The following EPC2 variants were observed in gnomAD, a reference collection of about 807,000 sequenced individuals.
EPC2 encodes enhancer of polycomb 2, also known as enhancer of polycomb homolog 2.
Under a neutral mutation model 92.1 loss-of-function variants are expected in EPC2, and 14 were observed. The ratio of observed to expected loss-of-function variants is 0.15; its 90% CI spans 0.10 to 0.24. The LOEUF (loss-of-function observed/expected upper bound fraction) is 0.24. Among genes scored for constraint, EPC2 ranks in the 10% least tolerant of loss-of-function variants. The probability of loss-of-function intolerance (pLI) is 1.00; values close to 1 mark genes in which losing one functional copy is unlikely to be tolerated. For missense variants in EPC2, 755 were observed against 971.5 expected (o/e 0.78, Z 2.96); for synonymous variants, 340 against 334.7 (o/e 1.02, Z -0.17).
intron 2 of EPC2, among the ~76,000 whole-genome samples, chr2:148,723,419 A>G (rs926199905): frequency 2.6e-5 from 4 of 152,126 alleles, no homozygotes; most frequent in Admixed American, 1.3e-4. Context: ...AATTGGCCAT[A>G]CTGAGTCAAT....
At chr2:148,750,740 A>G (rs1018889561) in intron 3 of EPC2, among the ~76,000 whole-genome samples, 1 of 152,160 alleles carries the variant, frequency 6.6e-6, no homozygotes, top group African/African-American at 2.4e-5. Flanking sequence ...ATTCTTGAAG[A>G]GTATAAGGTA....
chr2:148,759,673 C>G (rs1683263721), intron 4 of EPC2, among the ~76,000 whole-genome samples: 1 of 151,552 alleles, frequency 6.6e-6, no homozygotes, highest in Non-Finnish European at 1.5e-5. Context: ...TGAAATTTTT[C>G]AAAAATAGTA....
chr2:148,686,278 T>A (rs978843078), intron 1 of EPC2, among the ~76,000 whole-genome samples: 2 of 152,210 alleles, frequency 1.3e-5, no homozygotes, highest in African/African-American at 4.8e-5. Context: ...AAGAAACAAC[T>A]CCTCATCTGT....
intron 2 of EPC2, among the ~76,000 whole-genome samples, chr2:148,709,718 C>A (rs1682092091): frequency 6.6e-6 from 1 of 152,132 alleles, no homozygotes; most frequent in Non-Finnish European, 1.5e-5. Context: ...TGATCTTTGA[C>A]AAACCTGACA....
intron 1 of EPC2, among the ~76,000 whole-genome samples, chr2:148,686,895 A>G (rs533987999): frequency 7.7e-4 from 117 of 152,340 alleles, no homozygotes; most frequent in African/African-American, 2.6e-3. Context: ...GTAAATGAGC[A>G]TTGACTACAA....
At chr2:148,691,698 A>G in intron 2 of EPC2, 2 of 1,319,442 alleles carry the variant, frequency 1.5e-6, no homozygotes, top group South Asian at 2.5e-5. Flanking sequence ...TTTGGACCAC[A>G]GTATTAGCTT....
chr2:148,717,023 G>C (rs1038090633), intron 2 of EPC2, among the ~76,000 whole-genome samples: 16 of 152,098 alleles, frequency 1.1e-4, no homozygotes, highest in Non-Finnish European at 1.9e-4. Context: ...TAGTTTATGT[G>C]CATAAAGGTG....
At chr2:148,752,247 T>TC (rs1173303892) in intron 3 of EPC2, among the ~76,000 whole-genome samples, 1 of 151,942 alleles carries the variant, frequency 6.6e-6, no homozygotes, top group African/African-American at 2.4e-5. Flanking sequence ...AGTGAAATGA[T>TC]CAAGAAGCTG....
At chr2:148,762,527 C>T in intron 5 of EPC2, 143 bp from the exon 6 acceptor site, 3 of 618,140 alleles carry the variant, frequency 4.9e-6, no homozygotes, top group Non-Finnish European at 7.7e-6. Flanking sequence ...TTTCTTTATT[C>T]CTGCAAATTT....
intron 3 of EPC2, among the ~76,000 whole-genome samples, chr2:148,744,681 A>G (rs937441969): frequency 1.3e-5 from 2 of 152,078 alleles, no homozygotes; most frequent in African/African-American, 2.4e-5. Context: ...CTATTTTTCT[A>G]TGTTTTCCAA....
intron 1 of EPC2, among the ~76,000 whole-genome samples, chr2:148,662,560 C>G (rs1054240178): frequency 3.9e-5 from 6 of 151,952 alleles, no homozygotes; most frequent in Admixed American, 3.9e-4. Context: ...AGCAAACTAT[C>G]GCAAGGACAA....
In EPC2 at chr2:148,732,381, CT is replaced by C. The variant is rs752780229; in HGVS notation, c.314-11224del. Among the ~76,000 whole-genome samples, 1,260 of 132,892 alleles carry C rather than the reference CT, an allele frequency of 9.5e-3. 7 individuals carry two copies. Among genetic ancestry groups the C allele is most frequent in the African/African-American group, 0.025 (917 of 36,116 alleles). The allele number at this position is 132,892 out of a possible 152,430, so 87.2% of individuals were successfully genotyped here. A position where few individuals can be genotyped will look rare whatever the true frequency, so the allele number is the denominator to read the frequency against. ...AGTGATTCCATTCTGTTATTTTTGT[CT>C]TTTTTTTTTTTTTTTTGAGATGTAG... On this transcript the variant is annotated intron_variant, in intron 2 of 13. Transcript: ENST00000258484.
In EPC2 at chr2:148,758,648, G is replaced by A. The variant is rs531464882; in HGVS notation, c.667-3134G>A. On this transcript the variant is annotated intron_variant, in intron 4 of 13. Transcript: ENST00000258484. Reference sequence around the variant, plus strand: ...TGACCTCAAGTGATCTGCCCGCCTCGGCCTTCCAAAGTGCTGGGATTGCAG... The same window carrying A: ...TGACCTCAAGTGATCTGCCCGCCTCAGCCTTCCAAAGTGCTGGGATTGCAG... Among the ~76,000 whole-genome samples the A allele has an allele frequency of 3.3e-5, 5 of 152,154 alleles. No individual in the cohort carries two copies. The South Asian group carries it at 6.2e-4, about 19-fold the overall frequency.
Position 148,762,765 on chromosome 2 carries a change from A to G in EPC2, c.911A>G (p.Asn304Ser), listed in dbSNP as rs1194156486. The G allele has an allele frequency of 6.2e-7, 1 of 1,609,566 alleles. No homozygotes were observed. The highest frequency in any genetic ancestry group is 8.5e-7 in the Non-Finnish European group (1 of 1,178,600). The change falls in exon 6 of 14, where the codon AAT (asparagine) becomes AGT (serine). Residue 304 changes from asparagine (N) to serine (S), a missense_variant. By Grantham distance (46) the Asn-to-Ser change is conservative (BLOSUM62 1). Coordinates refer to ENST00000258484, the MANE Select transcript of EPC2 (RefSeq NM_015630.4). Reference protein sequence around the residue: ...ELYATPATLHNGNHHKVQECK... With the variant: ...ELYATPATLHSGNHHKVQECK... ...TATGCCACTCCAGCAACTCTTCATA[A>G]TGGAAATCATCACAAAGTTCAAGAA...
At chr2:148,662,583 C>T (rs890456226) in intron 1 of EPC2, among the ~76,000 whole-genome samples, 52 of 151,964 alleles carry the variant, frequency 3.4e-4, no homozygotes, top group Middle Eastern at 3.4e-3. Context: ...AACCAAACAC[C>T]GCGTGTTGTC....
chr2:148,777,285 A>C (rs1683665827), intron 10 of EPC2, among the ~76,000 whole-genome samples: 1 of 152,188 alleles, frequency 6.6e-6, no homozygotes, highest in South Asian at 2.1e-4. Flanking sequence ...CTTTACTACC[A>C]AATTAGGTAT....
intron 1 of EPC2, chr2:148,645,409 C>T (rs531297967): frequency 1.4e-5 from 6 of 443,630 alleles, no homozygotes; most frequent in South Asian, 5.5e-5. Context: ...CTTACGCTGC[C>T]GTAAGGGGGC....
At chr2:148,730,387 G>C (rs1574609351) in intron 2 of EPC2, among the ~76,000 whole-genome samples, 1 of 152,216 alleles carries the variant, frequency 6.6e-6, no homozygotes, top group Non-Finnish European at 1.5e-5. Flanking sequence ...AAGGTTTACA[G>C]ATTTTTAAAG....
intron 2 of EPC2, among the ~76,000 whole-genome samples, chr2:148,730,380 G>A (rs1335303349): frequency 1.3e-5 from 2 of 152,158 alleles, no homozygotes; most frequent in East Asian, 3.8e-4. Context: ...AACCTTAAAG[G>A]TTTACAGATT....
Sources: gnomAD v4.1 joint callset for allele counts (sites outside exome capture counted in the v4.1 genomes callset) on GRCh38, gnomAD v4.1.1 for gene constraint, MANE v1.5 for transcripts, NCBI Gene and HGNC (gene_info 2026-07-23, HGNC 2026-07-21) for gene names.